Variants in SPTBN4 observed in about 807,000 individuals in gnomAD.
SPTBN4 encodes the protein spectrin beta, non-erythrocytic 4, also known as spectrin beta chain, non-erythrocytic 4.
In SPTBN4, 96 loss-of-function variants were observed where a neutral mutation model predicts 277.8. That is an observed-to-expected ratio of 0.35 (90% CI 0.29 to 0.41). The LOEUF (loss-of-function observed/expected upper bound fraction) is 0.41. Among genes scored for constraint, SPTBN4 ranks in the 10% least tolerant of loss-of-function variants. SPTBN4 has a pLI of 1.00. For missense variants in SPTBN4, 3,006 were observed against 3,595.7 expected (o/e 0.84, Z 4.19); for synonymous variants, 1,481 against 1,580.3 (o/e 0.94, Z 1.49).
intron 7 of SPTBN4, among the ~76,000 whole-genome samples, chr19:40,499,210 TG>T (rs1439853438): frequency 6.6e-6 from 1 of 150,746 alleles, no homozygotes; most frequent in Non-Finnish European, 1.5e-5. Context: ...TTTTTTTTTT[TG>T]TATTTTTAGC....
Position 40,515,876 on chromosome 19 carries a change from A to G in SPTBN4, c.2903+428A>G, listed in dbSNP as rs866236212. 6.9e-3 allele frequency among the ~76,000 whole-genome samples: 974 copies of G among 141,344 alleles called. 24 individuals are homozygous for G. The highest frequency in any genetic ancestry group is 0.026 in the African/African-American group (895 of 34,966). The allele number at this position is 141,344 out of a possible 152,430, so 92.7% of individuals were successfully genotyped here. A position where few individuals can be genotyped will look rare whatever the true frequency, so the allele number is the denominator to read the frequency against. On this transcript the variant is annotated intron_variant, in intron 15 of 35. Transcript: ENST00000598249. The surrounding 1 kb of genome is among the most constrained non-coding windows in gnomAD (Gnocchi z 4.1). Reference sequence around the variant, plus strand: ...CGTCTCTCTCTCTACGTGCGCGCACACACACACACACACACACACACACAA... The same window carrying G: ...CGTCTCTCTCTCTACGTGCGCGCACGCACACACACACACACACACACACAA...
At chr19:40,500,370 C>G (rs1433720819) in intron 7 of SPTBN4, among the ~76,000 whole-genome samples, 1 of 152,160 alleles carries the variant, frequency 6.6e-6, no homozygotes. Flanking sequence ...TAAGGACATG[C>G]AGTGAGTAAG....
In SPTBN4 at chr19:40,506,225, C is replaced by G. The variant is rs748998327; in HGVS notation, c.1666-11C>G. On this transcript the variant is annotated splice_polypyrimidine_tract_variant and intron_variant, in intron 12 of 35. Coordinates refer to ENST00000598249, the MANE Select transcript of SPTBN4 (RefSeq NM_020971.3). Reference sequence around the variant, plus strand: ...TGCCAGAGGTGTGCTCAGTGCTGTCCCCGCTTGTAGGCTCAGCTGCTGTCC... The same window carrying G: ...TGCCAGAGGTGTGCTCAGTGCTGTCGCCGCTTGTAGGCTCAGCTGCTGTCC... 1 of 1,606,400 alleles carries G rather than the reference C, an allele frequency of 6.2e-7. No homozygotes were observed. Among genetic ancestry groups the G allele is most frequent in the South Asian group, 1.1e-5 (1 of 89,606 alleles).
chr19:40,497,556 C>A lies in SPTBN4; in HGVS notation c.736C>A (p.Arg246Ser). 1 of 1,614,090 alleles carries A rather than the reference C, an allele frequency of 6.2e-7. No homozygotes were observed. The highest frequency in any genetic ancestry group is 8.5e-7 in the Non-Finnish European group (1 of 1,180,016). The change falls in exon 7 of 36, where the codon CGC becomes AGC. Residue 246 changes from arginine (R) to serine (S), a missense_variant. Around this residue, in one of 5 missense-constraint regions of SPTBN4, gnomAD observed 1,759 missense variants for 2,061.5 expected, o/e 0.85. Coordinates refer to ENST00000598249, the MANE Select transcript of SPTBN4 (RefSeq NM_020971.3). ...CAACTACAACCTGCAGAGAGCCTTCCGCACAGCTGAGCAGCACCTGGGGCT... is the reference window on the plus strand; with the variant it reads ...CAACTACAACCTGCAGAGAGCCTTCAGCACAGCTGAGCAGCACCTGGGGCT... The part of the protein sequence containing the change: ...NANYNLQRAF[R>S]TAEQHLGLAR...
intron 20 of SPTBN4, among the ~76,000 whole-genome samples, chr19:40,545,655 C>T (rs901360734): frequency 1.2e-4 from 18 of 152,062 alleles, no homozygotes; most frequent in Non-Finnish European, 2.1e-4. Context: ...CTCCTGTAAT[C>T]CCAGCACTTT....
At chr19:40,485,488 G>A (rs1438443248) in intron 2 of SPTBN4, among the ~76,000 whole-genome samples, 2 of 152,042 alleles carry the variant, frequency 1.3e-5, no homozygotes, top group South Asian at 2.1e-4. Context: ...ATAGGAAGTC[G>A]CAAAGATAGT....
rs1003900392 is a variant in SPTBN4 at position 40,519,497 on chromosome 19, C to T, written c.3000C>T (p.Arg1000=). The T allele has an allele frequency of 6.2e-7, 1 of 1,609,060 alleles. No individual in the cohort carries two copies. Among genetic ancestry groups the T allele is most frequent in the African/African-American group, 1.3e-5 (1 of 74,572 alleles). Residue 1000 remains arginine, a synonymous_variant, in exon 16 of 36, where the codon CGC becomes CGT. Transcript: ENST00000598249. The surrounding 1 kb of genome is among the most constrained non-coding windows in gnomAD (Gnocchi z 5.7). The part of the protein sequence containing the change: ...ENHVLEVAEV[R]AQVREKRRAV... ...ACGTGCTGGAGGTGGCCGAGGTGCG[C>T]GCCCAGGTGCGTGAGAAGCGGAGAG...
rs2145943224 is a variant in SPTBN4 at position 40,560,969 on chromosome 19, A to T, written c.5915+566A>T. Among the ~76,000 whole-genome samples, 1 of 152,250 alleles carries T rather than the reference A, an allele frequency of 6.6e-6. No homozygotes were observed. Among genetic ancestry groups the T allele is most frequent in the East Asian group, 1.9e-4 (1 of 5,168 alleles). ...GGTTTTAGGGATAAAGCCGGCACCC[A>T]CACACTGCCAGCCCGGTGGCCTAAC... On this transcript the variant is annotated intron_variant, in intron 27 of 35. Coordinates refer to ENST00000598249, the MANE Select transcript of SPTBN4 (RefSeq NM_020971.3). This position sits in a 1 kb window ranked among gnomAD's most constrained non-coding sequence, Gnocchi z 5.2.
chr19:40,483,374 AC>A (rs1444404163), intron 2 of SPTBN4, among the ~76,000 whole-genome samples: 69 of 152,322 alleles, frequency 4.5e-4, no homozygotes, highest in African/African-American at 1.6e-3. Context: ...TGTCTGCAAC[AC>A]AAAAGTATCT....
In SPTBN4 at chr19:40,481,115, A is replaced by G. The variant is rs536078685; in HGVS notation, c.170-6582A>G. Among the ~76,000 whole-genome samples the G allele has an allele frequency of 4.6e-5, 7 of 152,282 alleles. No homozygotes were observed. In the South Asian group the frequency reaches 1.0e-3, roughly 23 times the overall value. On this transcript the variant is annotated intron_variant, in intron 2 of 35. Transcript: ENST00000598249. ...GGTGGTGTTCTCAAGTTTCTAGTAC[A>G]CATATTTGGTGGACATATGCGCTTG...
Position 40,519,894 on chromosome 19 carries a change from G to A in SPTBN4, c.3397G>A (p.Ala1133Thr). The A allele has an allele frequency of 6.6e-7, 1 of 1,526,440 alleles. No homozygotes were observed. The highest frequency in any genetic ancestry group is 8.7e-7 in the Non-Finnish European group (1 of 1,146,440). The allele number at this position is 1,526,440 out of a possible 1,614,324, so 94.6% of individuals were successfully genotyped here. A position where few individuals can be genotyped will look rare whatever the true frequency, so the allele number is the denominator to read the frequency against. Residue 1133 changes from alanine (A) to threonine (T), a missense_variant, in exon 16 of 36, where the codon GCT (alanine) becomes ACT (threonine). Coordinates refer to ENST00000598249, the MANE Select transcript of SPTBN4 (RefSeq NM_020971.3). The surrounding 1 kb of genome is among the most constrained non-coding windows in gnomAD (Gnocchi z 5.7). ...GGCGGACGCGCTGCTGGCGCGCCAC[G>A]CTGCGCTCAAGGAGGAGGTGGACCA... ...EEADALLARH[A>T]ALKEEVDQRE...
chr19:40,557,522 G>A (rs1177110146), intron 26 of SPTBN4, 119 bp downstream of exon 26: 13 of 1,193,538 alleles, frequency 1.1e-5, no homozygotes, highest in African/African-American at 3.1e-5. Flanking sequence ...GACAGAAAGC[G>A]GACTACAGAA....
At position 40,557,313 on chromosome 19, in the gene SPTBN4, G is replaced by C. The variant is rs151270013; in HGVS notation, c.5580G>C (p.Leu1860=). The C allele has an allele frequency of 1.2e-5, 19 of 1,613,248 alleles. No homozygotes were observed. The highest frequency in any genetic ancestry group is 1.3e-5 in the African/African-American group (1 of 74,922). ...IEEKRRRLPR[L]TTPPEPRPSA... ...AGAAGCGGAGGCGGCTGCCCCGCCT[G>C]ACCACCCCGCCTGAGCCGAGACCCA... is the stretch of plus-strand genomic sequence containing the variant. The change falls in exon 26 of 36, where the codon CTG becomes CTC. Residue 1860 remains leucine (L), a synonymous_variant. Transcript: ENST00000598249.
intron 12 of SPTBN4, among the ~76,000 whole-genome samples, chr19:40,504,950 T>C (rs2080308362): frequency 6.7e-6 from 1 of 149,422 alleles, no homozygotes; most frequent in Admixed American, 6.7e-5. Flanking sequence ...AGAGAGGAAA[T>C]CAGAGAGACA....
chr19:40,495,004 T>A (rs747862712), intron 6 of SPTBN4, 27 bp downstream of exon 6: 1 of 1,609,048 alleles, frequency 6.2e-7, no homozygotes, highest in South Asian at 1.1e-5. Context: ...GACAGCCCAG[T>A]CCTGCCCTTC....
At chr19:40,544,823 TTTTA>T (rs1439816754) in intron 20 of SPTBN4, among the ~76,000 whole-genome samples, 1 of 151,846 alleles carries the variant, frequency 6.6e-6, no homozygotes, top group African/African-American at 2.4e-5. Context: ...TTTTACTCTT[TTTTA>T]TTTTTTATTT....
At chr19:40,556,996 A>AGCC in intron 25 of SPTBN4, 27 bp from the exon 26 acceptor site, 6 of 1,363,562 alleles carry the variant, frequency 4.4e-6, no homozygotes, top group Non-Finnish European at 5.9e-6. Flanking sequence ...ACTTTGCTGT[A>AGCC]CCCCCCCCCC....
At chr19:40,552,509 G>C (rs1179357610) in intron 22 of SPTBN4, among the ~76,000 whole-genome samples, 1 of 147,638 alleles carries the variant, frequency 6.8e-6, no homozygotes, top group Non-Finnish European at 1.5e-5. Context: ...TGTGTGCTAA[G>C]TACTGTCTTA....
intron 1 of SPTBN4, among the ~76,000 whole-genome samples, chr19:40,470,045 C>A (rs1419048558): frequency 6.6e-5 from 10 of 151,956 alleles, no homozygotes; most frequent in Admixed American, 6.6e-4. Flanking sequence ...GTCGCCCAGG[C>A]TGGAGTGCAG....
Sources: allele counts gnomAD v4.1 joint callset (sites outside exome capture counted in the v4.1 genomes callset), GRCh38; gene constraint gnomAD v4.1.1; regional missense constraint gnomAD v4.1.1; non-coding constraint Gnocchi (gnomAD v3.1); transcripts MANE v1.5; gene names NCBI Gene and HGNC (gene_info 2026-07-23, HGNC 2026-07-21).